The following MDGA2 variants were observed in gnomAD, a reference collection of about 807,000 sequenced individuals.
The protein encoded by MDGA2 is MAM domain containing glycosylphosphatidylinositol anchor 2.
A neutral mutation model predicts 117.8 loss-of-function variants in MDGA2; 40 were observed. That is an observed-to-expected ratio of 0.34 (90% CI 0.26 to 0.44). MDGA2 has a LOEUF of 0.44. Ranked by LOEUF, MDGA2 falls within the 20% of genes least tolerant of loss-of-function variation. The pLI is 1.00. For missense variants in MDGA2, 1,123 were observed against 1,250.6 expected (o/e 0.90, Z 1.54); for synonymous variants, 452 against 439.0 (o/e 1.03, Z -0.37).
At chr14:47,270,014 C>A (rs1017049687) in intron 2 of MDGA2, among the ~76,000 whole-genome samples, 1 of 152,108 alleles carries the variant, frequency 6.6e-6, no homozygotes, top group African/African-American at 2.4e-5. Context: ...GAAAGCACAG[C>A]GTGGAGCCAT....
At chr14:47,617,791 C>T (rs1006575501) in intron 1 of MDGA2, among the ~76,000 whole-genome samples, 14 of 151,884 alleles carry the variant, frequency 9.2e-5, no homozygotes, top group African/African-American at 3.1e-4. Flanking sequence ...AAATAGTATA[C>T]GTAGACCAAG....
At chr14:46,972,584 C>A (rs1292985237) in intron 8 of MDGA2, among the ~76,000 whole-genome samples, 1 of 152,078 alleles carries the variant, frequency 6.6e-6, no homozygotes, top group African/African-American at 2.4e-5. Context: ...TGAGAAGTTA[C>A]ATTTTCAAGC....
At chr14:47,023,260 C>G (rs1888360085) in intron 8 of MDGA2, among the ~76,000 whole-genome samples, 1 of 149,052 alleles carries the variant, frequency 6.7e-6, no homozygotes, top group African/African-American at 2.5e-5. Flanking sequence ...AGCAATGCAG[C>G]AATGTTGCCA....
chr14:47,086,094 GT>G (rs11331632), intron 6 of MDGA2, among the ~76,000 whole-genome samples: 118,067 of 141,696 alleles, frequency 0.83, 49,300 homozygotes, highest in East Asian at 0.94. Flanking sequence ...AATGTGTAAG[GT>G]TTTTTTTTTT....
At chr14:47,376,090 A>T (rs12590461) in intron 1 of MDGA2, among the ~76,000 whole-genome samples, 109,705 of 152,082 alleles carry the variant, frequency 0.72, 39,839 homozygotes, top group Middle Eastern at 0.82. Context: ...TTTGTAGCAT[A>T]TTCCTTTAAA....
rs930136494 is a variant in MDGA2, at chr14:47,310,625, T to C, written c.281-9075A>G. On this transcript the variant is annotated intron_variant, in intron 1 of 16. Transcript: ENST00000399232. ...ATATATATATATGTTCCTTTTTTTA[T>C]ATTGGATCCTATGCTACATCCTGAA... 2.0e-5 allele frequency among the ~76,000 whole-genome samples: 3 copies of C among 152,092 alleles called. No homozygotes were observed. In the South Asian group the frequency reaches 6.2e-4, roughly 32 times the overall value.
intron 1 of MDGA2, among the ~76,000 whole-genome samples, chr14:47,451,956 G>C (rs766586860): frequency 2.6e-5 from 4 of 152,108 alleles, no homozygotes; most frequent in Non-Finnish European, 4.4e-5. Flanking sequence ...ATTGGAGATA[G>C]ATAACTTCTT....
At chr14:47,508,367 C>CTCTCTT (rs1248234758) in intron 1 of MDGA2, among the ~76,000 whole-genome samples, 1 of 149,886 alleles carries the variant, frequency 6.7e-6, no homozygotes, top group Non-Finnish European at 1.5e-5. Flanking sequence ...CTCTCTCTCT[C>CTCTCTT]TCTCTCTCTC....
chr14:47,334,005 T>C (rs1447868916), intron 1 of MDGA2, among the ~76,000 whole-genome samples: 1 of 151,774 alleles, frequency 6.6e-6, no homozygotes, highest in Non-Finnish European at 1.5e-5. Flanking sequence ...TTGGAGGAAA[T>C]ATAGCTCTCA....
intron 1 of MDGA2, among the ~76,000 whole-genome samples, chr14:47,563,563 C>A (rs1895855269): frequency 1.4e-5 from 2 of 141,460 alleles, no homozygotes; most frequent in African/African-American, 2.6e-5. Context: ...AGAATAGCAA[C>A]CCCTGCTTTT....
chr14:46,885,715 C>A (rs1882646957), intron 10 of MDGA2, among the ~76,000 whole-genome samples: 1 of 152,008 alleles, frequency 6.6e-6, no homozygotes. Flanking sequence ...AGACTGGAGA[C>A]TACTTGGTCA....
intron 8 of MDGA2, among the ~76,000 whole-genome samples, chr14:46,999,760 G>A (rs1315063212): frequency 1.3e-5 from 2 of 151,980 alleles, no homozygotes; most frequent in African/African-American, 2.4e-5. Context: ...ATCTTTGTGG[G>A]TATCAAACTT....
intron 1 of MDGA2, among the ~76,000 whole-genome samples, chr14:47,596,312 T>G (rs560238399): frequency 7.6e-4 from 116 of 152,340 alleles, no homozygotes; most frequent in Non-Finnish European, 1.3e-3. Flanking sequence ...TAACTAACTT[T>G]AAGCATTTGA....
rs1898150162 is a variant in MDGA2 at position 47,674,830 on chromosome 14, CCCA to C, written c.-37_-35del. ...ACACTCACACACACTCACACACTCTCCCACAACACAATACCCTGACACACACTC... is the reference window on the plus strand; with the variant it reads ...ACACTCACACACACTCACACACTCTCCAACACAATACCCTGACACACACTC... On this transcript the variant is annotated 5_prime_UTR_variant, in exon 1 of 17. Coordinates refer to ENST00000399232, the MANE Select transcript of MDGA2 (RefSeq NM_001113498.3). 1 of 627,932 alleles carries C rather than the reference CCCA, an allele frequency of 1.6e-6. No individual in the cohort carries two copies. The highest frequency in any genetic ancestry group is 2.8e-5 in the Admixed American group (1 of 35,450). The allele number at this position is 627,932 out of a possible 1,614,324, so 38.9% of individuals were successfully genotyped here.
chr14:47,011,805 C>A (rs1471468346), intron 8 of MDGA2, among the ~76,000 whole-genome samples: 2 of 151,986 alleles, frequency 1.3e-5, no homozygotes, highest in East Asian at 3.9e-4. Context: ...GTAGATAGCT[C>A]TGATATCCCC....
chr14:47,288,312 T>C (rs1382861338), intron 2 of MDGA2, among the ~76,000 whole-genome samples: 2 of 152,170 alleles, frequency 1.3e-5, no homozygotes, highest in Non-Finnish European at 2.9e-5. Context: ...GACCTGTAAG[T>C]TTGACTGACT....
chr14:47,442,850 T>A (rs558945251), intron 1 of MDGA2, among the ~76,000 whole-genome samples: 35 of 152,236 alleles, frequency 2.3e-4, no homozygotes, highest in African/African-American at 8.4e-4. Context: ...CTAAATCACA[T>A]GCTGTTTTGA....
At chr14:47,297,523 G>A (rs1396678367) in intron 2 of MDGA2, among the ~76,000 whole-genome samples, 8 of 148,170 alleles carry the variant, frequency 5.4e-5, no homozygotes, top group Non-Finnish European at 1.0e-4. Context: ...GGAAGGGGCA[G>A]GGAGGTTAGG....
At chr14:47,411,143 G>T (rs1892363700) in intron 1 of MDGA2, among the ~76,000 whole-genome samples, 1 of 152,102 alleles carries the variant, frequency 6.6e-6, no homozygotes, top group Admixed American at 6.6e-5. Context: ...AGAAAAGGAT[G>T]ATTTGTAGGT....
Sources: gnomAD v4.1 joint callset for allele counts (sites outside exome capture counted in the v4.1 genomes callset) on GRCh38, gnomAD v4.1.1 for gene constraint, MANE v1.5 for transcripts, NCBI Gene and HGNC (gene_info 2026-07-23, HGNC 2026-07-21) for gene names.